The following TNPO1 variants were observed in gnomAD, a reference collection of about 807,000 sequenced individuals.
TNPO1 encodes the protein transportin-1.
TNPO1 carries 8 observed loss-of-function variants against 119.5 expected under a neutral mutation model. The ratio of observed to expected loss-of-function variants is 0.07; its 90% CI spans 0.04 to 0.12. The LOEUF (loss-of-function observed/expected upper bound fraction) is 0.12. TNPO1 is among the 10% of genes least tolerant of loss of function. The pLI is 1.00. For synonymous variants in TNPO1, 362 were observed against 363.0 expected, an observed-to-expected ratio of 1.00 and a Z score of 0.03; for missense variants, 576 against 1,089.8, an observed-to-expected ratio of 0.53 and a Z score of 6.64.
chr5:72,910,480 T>C lies in TNPO1; in HGVS notation c.*1807T>C, dbSNP rs1750489656. On this transcript the variant is annotated 3_prime_UTR_variant, in exon 25 of 25. Coordinates refer to ENST00000337273, the MANE Select transcript of TNPO1 (RefSeq NM_002270.4). ...ATGATGATGAAGGAAAATGGAGAGATTTTTCTTTTTAACTCTGCTGGTCAG... is the reference window on the plus strand; with the variant it reads ...ATGATGATGAAGGAAAATGGAGAGACTTTTCTTTTTAACTCTGCTGGTCAG... 1 of 152,574 alleles carries C rather than the reference T, an allele frequency of 6.6e-6. No individual in the cohort carries two copies. Among genetic ancestry groups the C allele is most frequent in the Non-Finnish European group, 1.5e-5 (1 of 68,006 alleles). 9.5% of individuals were successfully genotyped at this position (152,574 alleles called of 1,614,324 possible).
At chr5:72,832,363 T>C (rs993938346) in intron 1 of TNPO1, among the ~76,000 whole-genome samples, 2 of 152,210 alleles carry the variant, frequency 1.3e-5, no homozygotes, top group African/African-American at 4.8e-5. Context: ...TAATGTTGTA[T>C]TTCCTCCTGT....
At chr5:72,843,593 C>CA (rs35891028) in intron 1 of TNPO1, among the ~76,000 whole-genome samples, 2,132 of 118,778 alleles carry the variant, frequency 0.018, 27 homozygotes, top group Middle Eastern at 0.042. Flanking sequence ...GATTCCGTCT[C>CA]AAAAAAAAAA....
rs759086719 is a variant in TNPO1, at chr5:72,851,328, G to A, written c.205+9G>A. ...AAAATTAAAATCTGAAGGTAAGTAG[G>A]ATTTGTATTGATAACTATTTAAAGT... On this transcript the variant is annotated intron_variant, in intron 3 of 24. Transcript: ENST00000337273. 1 of 1,452,650 alleles carries A rather than the reference G, an allele frequency of 6.9e-7. No homozygotes were observed. Among genetic ancestry groups the A allele is most frequent in the African/African-American group, 1.4e-5 (1 of 71,416 alleles). The allele number at this position is 1,452,650 out of a possible 1,614,324, so 90.0% of individuals were successfully genotyped here. A position where few individuals can be genotyped will look rare whatever the true frequency, so the allele number is the denominator to read the frequency against.
intron 1 of TNPO1, among the ~76,000 whole-genome samples, chr5:72,833,384 C>T (rs1561295807): frequency 6.6e-6 from 1 of 152,126 alleles, no homozygotes; most frequent in Non-Finnish European, 1.5e-5. Flanking sequence ...CTGCACACAG[C>T]CCCTCTTAAT....
At chr5:72,843,487 G>A (rs193170223) in intron 1 of TNPO1, among the ~76,000 whole-genome samples, 3 of 151,840 alleles carry the variant, frequency 2.0e-5, no homozygotes, top group Non-Finnish European at 2.9e-5. Flanking sequence ...CCAGCTACTC[G>A]GGAGGCTGAG....
chr5:72,867,437 G>A (rs1746999323), intron 6 of TNPO1, among the ~76,000 whole-genome samples: 1 of 152,116 alleles, frequency 6.6e-6, no homozygotes, highest in Admixed American at 6.5e-5. Context: ...TAGAGTATAG[G>A]AAACTATATT....
At chr5:72,900,103 T>C (rs757056303) in intron 21 of TNPO1, 22 bp downstream of exon 21, 1 of 1,590,436 alleles carries the variant, frequency 6.3e-7, no homozygotes, top group East Asian at 2.2e-5. Flanking sequence ...TCAATCTTTT[T>C]TTTTAATTCA....
intron 6 of TNPO1, among the ~76,000 whole-genome samples, chr5:72,867,689 T>C (rs528782130): frequency 3.3e-5 from 5 of 152,250 alleles, no homozygotes; most frequent in Non-Finnish European, 7.3e-5. Context: ...CTTACATTTC[T>C]TGATAGATAA....
chr5:72,907,179 C>T (rs1046287253), intron 24 of TNPO1, among the ~76,000 whole-genome samples: 24 of 152,074 alleles, frequency 1.6e-4, no homozygotes, highest in Admixed American at 1.1e-3. Flanking sequence ...ATGGCTTTGG[C>T]ATTTTGGAAA....
At chr5:72,858,592 C>G (rs1746175969) in intron 4 of TNPO1, among the ~76,000 whole-genome samples, 1 of 152,174 alleles carries the variant, frequency 6.6e-6, no homozygotes, top group African/African-American at 2.4e-5. Context: ...AATCCCAGCA[C>G]TTTGGGAGGC....
intron 13 of TNPO1, among the ~76,000 whole-genome samples, 155 bp downstream of exon 13, chr5:72,888,458 G>A (rs1014017337): frequency 3.3e-5 from 5 of 152,080 alleles, no homozygotes; most frequent in Admixed American, 3.3e-4. Context: ...TTTTCTTCTT[G>A]GTGAAGTGTT....
At chr5:72,818,720 G>A (rs910958168) in intron 1 of TNPO1, among the ~76,000 whole-genome samples, 9 of 152,114 alleles carry the variant, frequency 5.9e-5, no homozygotes. Context: ...ATACATATTG[G>A]TGCTAAAAAG....
chr5:72,824,508 A>G (rs779524090), intron 1 of TNPO1, among the ~76,000 whole-genome samples: 3 of 152,118 alleles, frequency 2.0e-5, no homozygotes, highest in South Asian at 2.1e-4. Flanking sequence ...TTCTCATCCT[A>G]TGTGACCTGT....
At chr5:72,871,422 T>C (rs534381433) in intron 6 of TNPO1, among the ~76,000 whole-genome samples, 29 of 152,340 alleles carry the variant, frequency 1.9e-4, no homozygotes, top group South Asian at 6.2e-4. Context: ...TTGCTGTAAC[T>C]GCAGAACCAA....
At chr5:72,881,630 A>G (rs953598594) in intron 9 of TNPO1, among the ~76,000 whole-genome samples, 3 of 152,176 alleles carry the variant, frequency 2.0e-5, no homozygotes, top group Non-Finnish European at 4.4e-5. Flanking sequence ...TTTATTCACC[A>G]AGAGCAACTG....
intron 6 of TNPO1, among the ~76,000 whole-genome samples, chr5:72,866,728 T>C (rs1442917451): frequency 6.6e-6 from 1 of 152,136 alleles, no homozygotes. Flanking sequence ...CACTCCAGCC[T>C]GGGCGACAGA....
At chr5:72,830,376 C>T (rs763588069) in intron 1 of TNPO1, among the ~76,000 whole-genome samples, 14 of 152,252 alleles carry the variant, frequency 9.2e-5, no homozygotes, top group Admixed American at 6.5e-5. Context: ...AATACAAACT[C>T]CTGAACATCT....
In TNPO1 at chr5:72,855,774, A is replaced by G; in HGVS notation, c.206A>G (p.Asp69Gly). 6.2e-7 allele frequency: 1 copy of G among 1,600,206 alleles called. No homozygotes were observed. The highest frequency in any genetic ancestry group is 1.1e-5 in the South Asian group (1 of 89,784). Reference sequence around the variant, plus strand: ...CATTACTATTACTATTTTATTACAGATGAACCCACAAGATCATTGAGTGGT... The same window carrying G: ...CATTACTATTACTATTTTATTACAGGTGAACCCACAAGATCATTGAGTGGT... ...IFVLTKLKSE[D>G]EPTRSLSGLI... The change falls in exon 4 of 25, where the codon GAT (aspartate) becomes GGT (glycine). Residue 69 changes from aspartate to glycine, a missense_variant and splice_region_variant. By Grantham distance (94) the Asp-to-Gly change is moderately conservative. Transcript: ENST00000337273.
At chr5:72,818,081 T>C (rs1328313943) in intron 1 of TNPO1, among the ~76,000 whole-genome samples, 1 of 152,230 alleles carries the variant, frequency 6.6e-6, no homozygotes, top group East Asian at 1.9e-4. Context: ...AAATTTATAC[T>C]AGCTTGGCAG....
Sources: gnomAD v4.1 joint callset for allele counts (sites outside exome capture counted in the v4.1 genomes callset) on GRCh38, gnomAD v4.1.1 for gene constraint, MANE v1.5 for transcripts, NCBI Gene and HGNC (gene_info 2026-07-23, HGNC 2026-07-21) for gene names.